The following PUDP variants were observed in gnomAD, a reference collection of about 807,000 sequenced individuals.
The protein encoded by PUDP is pseudouridine 5'-phosphatase.
A neutral mutation model predicts 9.4 loss-of-function variants in PUDP; 8 were observed. The ratio of observed to expected loss-of-function variants is 0.85; its 90% CI spans 0.50 to 1.53. PUDP has a LOEUF of 1.53. Among genes scored for constraint, PUDP ranks in the 40% most tolerant of loss-of-function variants. The pLI is 0.00. For missense variants in PUDP, 188 were observed against 189.7 expected, an observed-to-expected ratio of 0.99 and a Z score of 0.05; for synonymous variants, 99 against 80.7, an observed-to-expected ratio of 1.23 and a Z score of -1.22.
intron 3 of PUDP, among the ~76,000 whole-genome samples, chrX:6,933,465 C>A (rs1458137839): frequency 9.1e-6 from 1 of 110,473 alleles, no homozygotes; most frequent in Non-Finnish European, 1.9e-5. Context: ...AAAGGACATC[C>A]ACACCAAAAA....
intron 3 of PUDP, among the ~76,000 whole-genome samples, chrX:6,736,102 G>A (rs1924869340): frequency 9.2e-6 from 1 of 108,597 alleles, no homozygotes; most frequent in Non-Finnish European, 1.9e-5. Flanking sequence ...AACCAATAAC[G>A]ACACACTTCA....
intron 3 of PUDP, among the ~76,000 whole-genome samples, chrX:7,070,841 G>A (rs1464265244): frequency 8.9e-6 from 1 of 112,239 alleles, no homozygotes; most frequent in African/African-American, 3.2e-5. Flanking sequence ...GCCTCCCAAA[G>A]TGCTGGGATT....
intron 3 of PUDP, among the ~76,000 whole-genome samples, chrX:6,770,780 G>A (rs1458420100): frequency 1.8e-5 from 2 of 111,609 alleles, no homozygotes; most frequent in Non-Finnish European, 3.8e-5. Flanking sequence ...GAACCTGACC[G>A]ACAGATATGC....
chrX:7,124,329 G>C (rs1457943140), intron 1 of PUDP, among the ~76,000 whole-genome samples: 1 of 112,068 alleles, frequency 8.9e-6, no homozygotes, highest in African/African-American at 3.2e-5. Flanking sequence ...AAGATACTTT[G>C]AGAAGAATAA....
chrX:7,020,252 T>C (rs1365025694), intron 1 of PUDP, among the ~76,000 whole-genome samples: 5 of 110,585 alleles, frequency 4.5e-5, no homozygotes, highest in African/African-American at 1.3e-4. Flanking sequence ...AAGGCTTTCT[T>C]TAAAGGGGCC....
At chrX:6,931,365 G>A (rs1175919088) in intron 3 of PUDP, among the ~76,000 whole-genome samples, 1 of 111,209 alleles carries the variant, frequency 9.0e-6, no homozygotes, top group Non-Finnish European at 1.9e-5. Flanking sequence ...TTATAGAGAC[G>A]AGGTCTCGCT....
chrX:7,087,311 G>A (rs1348256867), intron 2 of PUDP, among the ~76,000 whole-genome samples: 1 of 111,408 alleles, frequency 9.0e-6, no homozygotes, highest in Non-Finnish European at 1.9e-5. Flanking sequence ...TACAAGCCAA[G>A]GAAAGCTAAG....
chrX:7,082,093 C>G (rs1931110621), intron 2 of PUDP, among the ~76,000 whole-genome samples: 1 of 111,910 alleles, frequency 8.9e-6, no homozygotes, highest in South Asian at 3.7e-4. Context: ...GTTCCCAGCT[C>G]CTAGAATTTG....
chrX:7,026,893 C>T (rs964081230), intron 1 of PUDP, among the ~76,000 whole-genome samples: 1 of 111,558 alleles, frequency 9.0e-6, no homozygotes, highest in Non-Finnish European at 1.9e-5. Context: ...GACAAGGAAA[C>T]CTGCGATTCT....
chrX:6,754,645 ATAT>A lies in PUDP; in HGVS notation c.*248-48182_*248-48180del, dbSNP rs1432481003. Among the ~76,000 whole-genome samples, 472 of 109,043 alleles carry A rather than the reference ATAT, an allele frequency of 4.3e-3. 3 individuals carry two copies. The highest frequency in any genetic ancestry group is 0.015 in the African/African-American group (441 of 30,344). The allele number at this position is 109,043 out of a possible 115,157, so 94.7% of individuals were successfully genotyped here. On this transcript the variant is annotated intron_variant and NMD_transcript_variant, in intron 3 of 3. Coordinates refer to the PUDP transcript ENST00000655425. ...TATAACATAGTTTATAAAATATTAT[ATAT>A]TATATTTATTATAGCTTTATACATA...
chrX:6,947,010 T>G (rs1403590604), intron 3 of PUDP, among the ~76,000 whole-genome samples: 1 of 108,890 alleles, frequency 9.2e-6, no homozygotes, highest in Non-Finnish European at 1.9e-5. Flanking sequence ...TGTTTTTTTT[T>G]TTTTAATTGA....
chrX:6,762,171 C>G (rs1014406357), intron 3 of PUDP, among the ~76,000 whole-genome samples: 1 of 111,982 alleles, frequency 8.9e-6, no homozygotes, highest in African/African-American at 3.2e-5. Context: ...CAGCCTGGGC[C>G]ACAGAGCAGA....
Position 7,148,088 on chromosome X carries a change from G to A in PUDP, c.26C>T (p.Thr9Ile), listed in dbSNP as rs1488479826. 2.6e-6 allele frequency: 3 copies of A among 1,134,165 alleles called. No individual in the cohort carries two copies. The highest frequency in any genetic ancestry group is 2.0e-5 in the South Asian group (1 of 50,127). 93.5% of individuals were successfully genotyped at this position (1,134,165 alleles called of 1,213,427 possible). Reference sequence around the variant, plus strand: ...TCCGTCCATGTCAAAGATGAGGTGGGTGACGGGCTGCGGGGGCGCCGCCAT... The same window carrying A: ...TCCGTCCATGTCAAAGATGAGGTGGATGACGGGCTGCGGGGGCGCCGCCAT... MAAPPQPV[T>I]HLIFDMDGLL... Residue 9 changes from threonine to isoleucine, a missense_variant, in exon 1 of 4, where the codon ACC (threonine) becomes ATC (isoleucine). By Grantham distance (89) the Thr-to-Ile change is moderately conservative (BLOSUM62 -1). Transcript: ENST00000381077.
rs940829037 is a variant in PUDP at position 7,012,689 on chromosome X, C to T, written c.205-34346G>A. On this transcript the variant is annotated intron_variant and NMD_transcript_variant, in intron 1 of 3. Transcript: ENST00000655425. ...CAATGTGCAAAGTCGATGGTGCACA[C>T]GTTACAGGTTGGTGAGAGATGATGC... is the stretch of plus-strand genomic sequence containing the variant. Among the ~76,000 whole-genome samples the T allele has an allele frequency of 2.3e-4, 25 of 110,833 alleles. 1 individual carries two copies. Among genetic ancestry groups the T allele is most frequent in the African/African-American group, 7.6e-4 (23 of 30,322 alleles).
At chrX:6,858,454 C>T (rs757797315) in intron 3 of PUDP, among the ~76,000 whole-genome samples, 11 of 108,201 alleles carry the variant, frequency 1.0e-4, no homozygotes, top group East Asian at 2.9e-4. Flanking sequence ...CTCAGCCTCT[C>T]GAGTAGCTGG....
intron 3 of PUDP, among the ~76,000 whole-genome samples, chrX:6,781,356 C>T (rs1925558998): frequency 1.8e-5 from 2 of 111,811 alleles, no homozygotes; most frequent in Admixed American, 1.9e-4. Context: ...CATTACGGCA[C>T]TCTTTTTTTA....
chrX:6,805,627 C>T (rs1374012143), intron 3 of PUDP, among the ~76,000 whole-genome samples: 2 of 110,341 alleles, frequency 1.8e-5, no homozygotes, highest in African/African-American at 6.6e-5. Context: ...ACAAGTAATC[C>T]TCTCACCTCA....
chrX:6,978,682 C>A (rs1231193620), intron 1 of PUDP, among the ~76,000 whole-genome samples: 1 of 112,411 alleles, frequency 8.9e-6, no homozygotes, highest in Admixed American at 9.4e-5. Context: ...TTTCAAGAAT[C>A]AATTCTGGGC....
chrX:7,102,453 A>G (rs866548552), intron 2 of PUDP, among the ~76,000 whole-genome samples: 6 of 110,731 alleles, frequency 5.4e-5, no homozygotes, highest in South Asian at 3.8e-4. Context: ...ATTAAAGGCC[A>G]TATATGAGAA....
Sources: allele counts gnomAD v4.1 joint callset (sites outside exome capture counted in the v4.1 genomes callset), GRCh38; gene constraint gnomAD v4.1.1; transcripts MANE v1.5; gene names NCBI Gene and HGNC (gene_info 2026-07-23, HGNC 2026-07-21).